Variants in CYP20A1 observed in about 807,000 individuals in gnomAD.
CYP20A1 encodes the protein cytochrome P450 family 20 subfamily A member 1.
CYP20A1 carries 61 observed loss-of-function variants against 61.4 expected under a neutral mutation model. The observed-to-expected ratio is 0.99, with a 90% confidence interval of 0.81 to 1.23. The LOEUF (loss-of-function observed/expected upper bound fraction) is 1.23, where lower values mean the gene tolerates loss of function less well. Among genes scored for constraint, CYP20A1 ranks in the 50% most tolerant of loss-of-function variants. CYP20A1 has a pLI of 0.00. For missense variants in CYP20A1, 530 were observed against 542.4 expected (o/e 0.98, Z 0.23); for synonymous variants, 193 against 188.2 (o/e 1.03, Z -0.21).
chr2:203,258,005 G>GCAGA (rs1455916330), intron 4 of CYP20A1, among the ~76,000 whole-genome samples: 1 of 151,752 alleles, frequency 6.6e-6, no homozygotes, highest in Non-Finnish European at 1.5e-5. Context: ...GGGCTGAAGG[G>GCAGA]ATCCTCCTGC....
chr2:203,292,334 A>ATATTTGTCATTGTATT lies in CYP20A1; in HGVS notation c.1148+10_1148+25dup, dbSNP rs1402022110. The ATATTTGTCATTGTATT allele has an allele frequency of 1.2e-6, 2 of 1,600,636 alleles. No individual in the cohort carries two copies. Among genetic ancestry groups the ATATTTGTCATTGTATT allele is most frequent in the Non-Finnish European group, 8.6e-7 (1 of 1,168,138 alleles). ...TTGGCCATCTCCACACAAGTATGAA[A>ATATTTGTCATTGTATT]TATTTGTCATTGTATTTGTGACTGT... is the stretch of plus-strand genomic sequence containing the variant. On this transcript the variant is annotated intron_variant, in intron 11 of 12. Transcript: ENST00000356079.
chr2:203,252,046 G>GA lies in CYP20A1; in HGVS notation c.375dup (p.Leu126IlefsTer3). On this transcript the variant is annotated frameshift_variant, in exon 4 of 13. Coordinates refer to ENST00000356079, the MANE Select transcript of CYP20A1 (RefSeq NM_177538.3). LOFTEE classifies it high-confidence loss of function. The stretch of plus-strand genomic sequence containing the variant: ...GCAGTGTGAGTGAAAACCACATGAG[G>GA]AAAAAATTGTATGAAAATGGTGTGA... The GA allele has an allele frequency of 1.2e-6, 2 of 1,611,052 alleles. No homozygotes were observed. The highest frequency in any genetic ancestry group is 8.5e-7 in the Non-Finnish European group (1 of 1,178,606).
intron 5 of CYP20A1, 90 bp downstream of exon 5, chr2:203,266,771 A>C (rs965621841): frequency 9.2e-7 from 1 of 1,083,180 alleles, no homozygotes; most frequent in Non-Finnish European, 1.4e-6. Context: ...GGCTGCAGTC[A>C]GGAGTTAAAG....
At chr2:203,294,941 A>ATTTTTTTTTTTTTTT (rs1167546590) in intron 11 of CYP20A1, among the ~76,000 whole-genome samples, 1 of 45,434 alleles carries the variant, frequency 2.2e-5, no homozygotes, top group African/African-American at 8.5e-5. Flanking sequence ...CTTTAAAAAA[A>ATTTTTTTTTTTTTTT]TTTTTTTTTT....
intron 4 of CYP20A1, among the ~76,000 whole-genome samples, chr2:203,259,307 T>C (rs1369606720): frequency 6.6e-6 from 1 of 152,218 alleles, no homozygotes; most frequent in East Asian, 1.9e-4. Context: ...TATTTGTCCC[T>C]GCGCAAATCT....
At chr2:203,279,828 C>T (rs1322969039) in intron 7 of CYP20A1, among the ~76,000 whole-genome samples, 1 of 152,172 alleles carries the variant, frequency 6.6e-6, no homozygotes, top group East Asian at 1.9e-4. Flanking sequence ...TCCCAAAATA[C>T]ATACAACTAT....
At chr2:203,294,007 AG>A (rs1432069117) in intron 11 of CYP20A1, among the ~76,000 whole-genome samples, 3 of 151,856 alleles carry the variant, frequency 2.0e-5, no homozygotes, top group African/African-American at 7.3e-5. Context: ...GGACAGAGAC[AG>A]GGTCATGCTC....
At chr2:203,252,297 T>G (rs1451997025) in intron 4 of CYP20A1, among the ~76,000 whole-genome samples, 188 bp downstream of exon 4, 1 of 152,104 alleles carries the variant, frequency 6.6e-6, no homozygotes, top group African/African-American at 2.4e-5. Flanking sequence ...ACAAAAATCT[T>G]AACATCCAGA....
intron 1 of CYP20A1, among the ~76,000 whole-genome samples, chr2:203,242,964 C>G (rs1371241270): frequency 6.6e-6 from 1 of 152,156 alleles, no homozygotes; most frequent in Non-Finnish European, 1.5e-5. Flanking sequence ...GGAAAACAAA[C>G]AAACAAACAA....
intron 1 of CYP20A1, among the ~76,000 whole-genome samples, chr2:203,240,733 A>C (rs186040067): frequency 6.6e-6 from 1 of 152,304 alleles, no homozygotes; most frequent in Non-Finnish European, 1.5e-5. Flanking sequence ...CAGTGTGGTT[A>C]GAGTGTAGTA....
Position 203,285,540 on chromosome 2 carries a change from G to GT in CYP20A1, c.851-65dup, listed in dbSNP as rs1462199469. Reference sequence around the variant, plus strand: ...ACAAAAATCCCACCCTAAATAAGTAGTTTTTTTCTTATTCTATACCCAAGC... The same window carrying GT: ...ACAAAAATCCCACCCTAAATAAGTAGTTTTTTTTCTTATTCTATACCCAAGC... On this transcript the variant is annotated intron_variant, in intron 8 of 12. Coordinates refer to ENST00000356079, the MANE Select transcript of CYP20A1 (RefSeq NM_177538.3). 4.3e-6 allele frequency: 6 copies of GT among 1,408,784 alleles called. No homozygotes were observed. The South Asian group carries it at 5.7e-5, about 13-fold the overall frequency. 87.3% of individuals were successfully genotyped at this position (1,408,784 alleles called of 1,614,324 possible).
chr2:203,298,249 A>G lies in CYP20A1; in HGVS notation c.*1341A>G, dbSNP rs185188260. The G allele has an allele frequency of 6.1e-6, 1 of 163,900 alleles. No homozygotes were observed. The highest frequency in any genetic ancestry group is 6.4e-5 in the Admixed American group (1 of 15,640). 10.2% of individuals were successfully genotyped at this position (163,900 alleles called of 1,614,324 possible). The stretch of plus-strand genomic sequence containing the variant: ...CAAATATACAAAAAAATTACTGGGC[A>G]TGGTGACACACACCTGTAGTCCCAG... On this transcript the variant is annotated 3_prime_UTR_variant, in exon 13 of 13. Coordinates refer to ENST00000356079, the MANE Select transcript of CYP20A1 (RefSeq NM_177538.3).
At chr2:203,239,252 G>A (rs891778395) in intron 1 of CYP20A1, 118 bp downstream of exon 1, 9 of 864,290 alleles carry the variant, frequency 1.0e-5, no homozygotes, top group Non-Finnish European at 1.7e-5. Flanking sequence ...GGAGGGTTCG[G>A]GTTCGCTCCA....
rs149545200 is a variant in CYP20A1, at chr2:203,295,235, G to A, written c.1149-1239G>A. 1.8e-3 allele frequency among the ~76,000 whole-genome samples: 274 copies of A among 151,812 alleles called. 1 individual carries two copies. Among genetic ancestry groups the A allele is most frequent in the Middle Eastern group, 3.4e-3 (1 of 294 alleles). ...GCTGGGATTACAGGCGTGAGCCACCGCGCCTGGCCAAAAATTTTTAATAGA... is the reference window on the plus strand; with the variant it reads ...GCTGGGATTACAGGCGTGAGCCACCACGCCTGGCCAAAAATTTTTAATAGA... On this transcript the variant is annotated intron_variant, in intron 11 of 12. Transcript: ENST00000356079.
intron 4 of CYP20A1, among the ~76,000 whole-genome samples, chr2:203,263,975 C>G (rs893360300): frequency 6.6e-6 from 1 of 151,970 alleles, no homozygotes. Flanking sequence ...CTGTTGAGCT[C>G]TGTCAGGTTT....
In CYP20A1 at chr2:203,299,829, G is replaced by A. The variant is rs56202721; in HGVS notation, c.*2921G>A. The stretch of plus-strand genomic sequence containing the variant: ...GCAGAGGTTGCGGTGAGCCAAGATC[G>A]CGCCATTGCACTCCAGCCTGGGCAA... On this transcript the variant is annotated 3_prime_UTR_variant, in exon 13 of 13. Coordinates refer to ENST00000356079, the MANE Select transcript of CYP20A1 (RefSeq NM_177538.3). 0.26 allele frequency among the ~76,000 whole-genome samples: 39,635 copies of A among 151,776 alleles called. 6,408 individuals carry two copies. The highest frequency in any genetic ancestry group is 0.49 in the South Asian group (2,375 of 4,802).
At position 203,239,168 on chromosome 2, in the gene CYP20A1, C is replaced by T. The variant is rs748309284; in HGVS notation, c.72+34C>T. On this transcript the variant is annotated intron_variant, in intron 1 of 12. Transcript: ENST00000356079. ...CGTCTTGGCTCTCTGGGGCCCCGGG[C>T]GCCGCCCCAGTCTCTCTGTCGCCGG... The T allele has an allele frequency of 3.8e-6, 6 of 1,579,832 alleles. No homozygotes were observed. In the South Asian group the frequency reaches 4.4e-5, roughly 12 times the overall value.
At chr2:203,252,604 A>T (rs1026168661) in intron 4 of CYP20A1, among the ~76,000 whole-genome samples, 2 of 152,068 alleles carry the variant, frequency 1.3e-5, no homozygotes, top group African/African-American at 4.8e-5. Context: ...CATGTTGGCC[A>T]GGCTGGTCTC....
intron 3 of CYP20A1, among the ~76,000 whole-genome samples, chr2:203,251,760 A>T (rs1243033246): frequency 9.8e-6 from 1 of 101,760 alleles, no homozygotes; most frequent in African/African-American, 3.2e-5. Context: ...GAAGAGTGAA[A>T]CTCTGTCTCA....
Sources: gnomAD v4.1 joint callset for allele counts (sites outside exome capture counted in the v4.1 genomes callset) on GRCh38, gnomAD v4.1.1 for gene constraint, MANE v1.5 for transcripts, NCBI Gene and HGNC (gene_info 2026-07-23, HGNC 2026-07-21) for gene names.